The following PLCXD3 variants were observed in gnomAD, a reference collection of about 807,000 sequenced individuals.
PLCXD3 encodes the protein PI-PLC X domain-containing protein 3.
PLCXD3 carries 19 observed loss-of-function variants against 25.5 expected under a neutral mutation model. That is an observed-to-expected ratio of 0.75 (90% CI 0.52 to 1.09). The LOEUF (loss-of-function observed/expected upper bound fraction) is 1.09. Ranked by LOEUF, PLCXD3 falls within the 50% of genes least tolerant of loss-of-function variation. The pLI is 0.00. For synonymous variants in PLCXD3, 174 were observed against 137.6 expected (o/e 1.26, Z -1.85); for missense variants, 411 against 388.1 (o/e 1.06, Z -0.50).
At chr5:41,472,253 T>C (rs373858294) in intron 1 of PLCXD3, among the ~76,000 whole-genome samples, 1 of 152,134 alleles carries the variant, frequency 6.6e-6, no homozygotes, top group African/African-American at 2.4e-5. Context: ...GCTTCTGCCA[T>C]CCCTTAAATT....
At position 41,430,308 on chromosome 5, in the gene PLCXD3, G is replaced by A. The variant is rs77017974; in HGVS notation, c.104-47774C>T. On this transcript the variant is annotated intron_variant, in intron 1 of 2. Transcript: ENST00000377801. ...TTTGCTTTCCATGAGAGAGGAATGA[G>A]TTCAAGAAAAGGGGAATTGAATAGT... 3.3e-4 allele frequency among the ~76,000 whole-genome samples: 51 copies of A among 152,278 alleles called. No homozygotes were observed. The East Asian group carries it at 6.2e-3, about 18-fold the overall frequency.
chr5:41,492,759 C>T lies in PLCXD3; in HGVS notation c.103+17665G>A, dbSNP rs567784511. Among the ~76,000 whole-genome samples the T allele has an allele frequency of 9.2e-5, 14 of 152,354 alleles. 1 individual carries two copies. Among genetic ancestry groups the T allele is most frequent in the Admixed American group, 3.3e-4 (5 of 15,308 alleles). On this transcript the variant is annotated intron_variant, in intron 1 of 2. Transcript: ENST00000377801. ...CCTTCTGCATTCTTCACGTAGTTCT[C>T]GAGCCTTGGCTTTCAGCCCCATCAG...
intron 1 of PLCXD3, among the ~76,000 whole-genome samples, chr5:41,413,552 C>A (rs1035781686): frequency 6.6e-6 from 1 of 152,190 alleles, no homozygotes; most frequent in Non-Finnish European, 1.5e-5. Flanking sequence ...ATGAAAACTT[C>A]TGGCCAATCC....
At chr5:41,472,934 G>T (rs757216994) in intron 1 of PLCXD3, among the ~76,000 whole-genome samples, 1 of 151,910 alleles carries the variant, frequency 6.6e-6, no homozygotes, top group African/African-American at 2.4e-5. Context: ...ACATGATTTA[G>T]AAAAAACTCA....
intron 1 of PLCXD3, among the ~76,000 whole-genome samples, chr5:41,483,192 C>T (rs1748448251): frequency 6.6e-6 from 1 of 152,026 alleles, no homozygotes; most frequent in African/African-American, 2.4e-5. Flanking sequence ...AAATACAAAT[C>T]CCAAATACTT....
intron 2 of PLCXD3, among the ~76,000 whole-genome samples, chr5:41,335,524 T>C (rs561157076): frequency 1.3e-3 from 196 of 151,618 alleles, no homozygotes; most frequent in African/African-American, 4.2e-3. Flanking sequence ...AGTTCTAGCG[T>C]ATTCTGTGTG....
chr5:41,361,715 G>A (rs1465460757), intron 2 of PLCXD3, among the ~76,000 whole-genome samples: 2 of 152,204 alleles, frequency 1.3e-5, no homozygotes, highest in Non-Finnish European at 2.9e-5. Flanking sequence ...CACTCTTCTA[G>A]AAGCCACATC....
chr5:41,368,229 A>G (rs1744992861), intron 2 of PLCXD3, among the ~76,000 whole-genome samples: 1 of 152,038 alleles, frequency 6.6e-6, no homozygotes, highest in Admixed American at 6.5e-5. Flanking sequence ...GCAATTATGA[A>G]TGGTAGTTCA....
rs1743023280 is a variant in PLCXD3 at position 41,307,029 on chromosome 5, T to C, written c.*6588A>G. 1 of 152,608 alleles carries C rather than the reference T, an allele frequency of 6.6e-6. No individual in the cohort carries two copies. The highest frequency in any genetic ancestry group is 1.5e-5 in the Non-Finnish European group (1 of 68,016). 9.5% of individuals were successfully genotyped at this position (152,608 alleles called of 1,614,324 possible). A position where few individuals can be genotyped will look rare whatever the true frequency, so the allele number is the denominator to read the frequency against. Reference sequence around the variant, plus strand: ...ATTTTTTACATTAAGAACACAATCTTATTTAAAAAATTCACATTTTCTATA... The same window carrying C: ...ATTTTTTACATTAAGAACACAATCTCATTTAAAAAATTCACATTTTCTATA... On this transcript the variant is annotated 3_prime_UTR_variant, in exon 3 of 3. Transcript: ENST00000377801.
At chr5:41,370,243 A>G (rs1214485701) in intron 2 of PLCXD3, among the ~76,000 whole-genome samples, 11 of 152,324 alleles carry the variant, frequency 7.2e-5, no homozygotes, top group Middle Eastern at 6.8e-3. Flanking sequence ...TTAATTAGCA[A>G]TAGGCTACAA....
rs140372554 is a variant in PLCXD3 at position 41,495,589 on chromosome 5, G to A, written c.103+14835C>T. ...GCAGGTGGTGTGCTGCTTCTTCAGA[G>A]GACTCACAGTACAGCAGTCAGGCAT... On this transcript the variant is annotated intron_variant, in intron 1 of 2. Transcript: ENST00000377801. Among the ~76,000 whole-genome samples the A allele has an allele frequency of 2.4e-4, 36 of 152,276 alleles. No homozygotes were observed. In the East Asian group the frequency reaches 6.6e-3, roughly 28 times the overall value.
chr5:41,504,216 C>T (rs1311275990), intron 1 of PLCXD3, among the ~76,000 whole-genome samples: 2 of 152,148 alleles, frequency 1.3e-5, no homozygotes, highest in African/African-American at 4.8e-5. Flanking sequence ...ACATTGCACC[C>T]ACTGGAAGTT....
intron 1 of PLCXD3, among the ~76,000 whole-genome samples, chr5:41,490,483 T>C (rs914602962): frequency 3.9e-5 from 6 of 152,168 alleles, no homozygotes; most frequent in Non-Finnish European, 8.8e-5. Context: ...TCTTTTTCTA[T>C]TGTTTGGAAT....
At chr5:41,320,813 A>T (rs1743446191) in intron 2 of PLCXD3, among the ~76,000 whole-genome samples, 1 of 152,236 alleles carries the variant, frequency 6.6e-6, no homozygotes, top group Non-Finnish European at 1.5e-5. Flanking sequence ...AATTAATGTG[A>T]TACATCACAT....
chr5:41,438,216 T>G (rs1272192345), intron 1 of PLCXD3, among the ~76,000 whole-genome samples: 1 of 152,330 alleles, frequency 6.6e-6, no homozygotes, highest in Admixed American at 6.5e-5. Context: ...TTGCTCACTT[T>G]TAAGTGAAAA....
intron 1 of PLCXD3, among the ~76,000 whole-genome samples, chr5:41,478,763 G>T (rs1472765786): frequency 6.6e-6 from 1 of 152,192 alleles, no homozygotes; most frequent in Non-Finnish European, 1.5e-5. Flanking sequence ...GAAGAAAAGA[G>T]ATTTAATTGA....
chr5:41,430,208 C>T (rs1215492753), intron 1 of PLCXD3, among the ~76,000 whole-genome samples: 1 of 152,136 alleles, frequency 6.6e-6, no homozygotes, highest in Non-Finnish European at 1.5e-5. Context: ...TTGTAAAGCA[C>T]TTCTAACAGT....
intron 1 of PLCXD3, among the ~76,000 whole-genome samples, chr5:41,427,035 C>T (rs1746974702): frequency 1.3e-5 from 2 of 152,016 alleles, no homozygotes; most frequent in South Asian, 2.1e-4. Flanking sequence ...TTTCTTGTTG[C>T]TATTAAGACT....
intron 1 of PLCXD3, among the ~76,000 whole-genome samples, chr5:41,493,338 C>T (rs1361814642): frequency 6.6e-6 from 1 of 152,166 alleles, no homozygotes; most frequent in South Asian, 2.1e-4. Flanking sequence ...TCAGTCTGCC[C>T]CTACTGGGGG....
Sources: allele counts gnomAD v4.1 joint callset (sites outside exome capture counted in the v4.1 genomes callset), GRCh38; gene constraint gnomAD v4.1.1; transcripts MANE v1.5; gene names NCBI Gene and HGNC (gene_info 2026-07-23, HGNC 2026-07-21).